The following CMIP variants were observed in gnomAD, a reference collection of about 807,000 sequenced individuals.
The protein encoded by CMIP is c-Maf inducing protein.
Under a neutral mutation model 97.3 loss-of-function variants are expected in CMIP, and 13 were observed. The ratio of observed to expected loss-of-function variants is 0.13; its 90% CI spans 0.09 to 0.21. The LOEUF is 0.21. Ranked by LOEUF, CMIP falls within the 10% of genes least tolerant of loss-of-function variation. The pLI is 1.00. For missense variants in CMIP, 847 were observed against 1,024.9 expected, an observed-to-expected ratio of 0.83 and a Z score of 2.37; for synonymous variants, 538 against 436.3, an observed-to-expected ratio of 1.23 and a Z score of -2.91.
chr16:81,629,134 TAAAAAA>T (rs10533097), intron 3 of CMIP, among the ~76,000 whole-genome samples: 12 of 45,694 alleles, frequency 2.6e-4, no homozygotes, highest in South Asian at 1.5e-3. Flanking sequence ...AAACTGTGCT[TAAAAAA>T]AAAAAAAAAA....
intron 1 of CMIP, among the ~76,000 whole-genome samples, chr16:81,500,967 C>T (rs766047061): frequency 6.6e-6 from 1 of 152,208 alleles, no homozygotes; most frequent in Non-Finnish European, 1.5e-5. Flanking sequence ...CATTGGATTG[C>T]GCAGGTGCCC....
At chr16:81,672,251 G>C (rs2092689707) in intron 9 of CMIP, among the ~76,000 whole-genome samples, 181 bp downstream of exon 9, 1 of 152,228 alleles carries the variant, frequency 6.6e-6, no homozygotes, top group Non-Finnish European at 1.5e-5. Context: ...CAGAAGCCAG[G>C]GATGCTGCTG....
chr16:81,503,846 A>T (rs2089656290), intron 1 of CMIP, among the ~76,000 whole-genome samples: 1 of 152,266 alleles, frequency 6.6e-6, no homozygotes, highest in African/African-American at 2.4e-5. Context: ...CAGGCCTGTC[A>T]GTGACAGACG....
intron 3 of CMIP, among the ~76,000 whole-genome samples, chr16:81,643,560 C>T (rs376825723): frequency 1.9e-4 from 29 of 152,094 alleles, no homozygotes; most frequent in Admixed American, 5.2e-4. Flanking sequence ...GAGGCCAAGG[C>T]GGGCAGATCA....
intron 1 of CMIP, among the ~76,000 whole-genome samples, chr16:81,477,974 C>G (rs755560830): frequency 1.3e-5 from 2 of 152,354 alleles, no homozygotes; most frequent in Non-Finnish European, 2.9e-5. Flanking sequence ...TGTGGCATCC[C>G]CGGCTGCAAG....
At position 81,607,602 on chromosome 16, in the gene CMIP, C is replaced by T. The variant is rs57603843; in HGVS notation, c.336C>T (p.Ser112=). The T allele has an allele frequency of 2.7e-4, 435 of 1,613,998 alleles. 1 individual carries two copies. Among genetic ancestry groups the T allele is most frequent in the African/African-American group, 1.4e-3 (102 of 75,058 alleles). ...ACATGGAAAACTCAGTCTCCTACAG[C>T]GCAATTGAAGACGTTCAGCTGCTGT... The part of the protein sequence containing the change: ...TGYMENSVSY[S]AIEDVQLLSW... The change falls in exon 2 of 21, where the codon AGC becomes AGT. Residue 112 remains serine (S), a synonymous_variant. Coordinates refer to ENST00000537098, the MANE Select transcript of CMIP (RefSeq NM_198390.3).
chr16:81,542,314 G>A lies in CMIP; in HGVS notation c.301-65253G>A, dbSNP rs551999738. Among the ~76,000 whole-genome samples the A allele has an allele frequency of 8.5e-5, 13 of 152,278 alleles. No homozygotes were observed. In the East Asian group the frequency reaches 1.7e-3, roughly 20 times the overall value. The stretch of plus-strand genomic sequence containing the variant: ...AATGGGGGCCAACTATTAAATGCTC[G>A]GACACCCCACCAGTGCTTAGATCTG... On this transcript the variant is annotated intron_variant, in intron 1 of 20. Transcript: ENST00000537098.
chr16:81,546,319 G>T (rs1459290275), intron 1 of CMIP, among the ~76,000 whole-genome samples: 1 of 152,166 alleles, frequency 6.6e-6, no homozygotes, highest in Non-Finnish European at 1.5e-5. Context: ...GTTCGCCGGC[G>T]GCAGAAGCTC....
intron 1 of CMIP, among the ~76,000 whole-genome samples, chr16:81,469,566 C>G (rs1454042496): frequency 1.3e-5 from 2 of 152,182 alleles, no homozygotes; most frequent in African/African-American, 4.8e-5. Context: ...GGGGACCTGA[C>G]TACACCCAAG....
intron 1 of CMIP, among the ~76,000 whole-genome samples, chr16:81,527,675 A>G (rs962242130): frequency 1.3e-5 from 2 of 152,194 alleles, no homozygotes; most frequent in Non-Finnish European, 2.9e-5. Context: ...AGAAGCTTCA[A>G]CTTTACAGAA....
At chr16:81,565,006 G>C (rs572793748) in intron 1 of CMIP, among the ~76,000 whole-genome samples, 13 of 152,140 alleles carry the variant, frequency 8.5e-5, no homozygotes, top group Middle Eastern at 3.4e-3. Flanking sequence ...GGGGTCTCCA[G>C]AGGGGGTTTC....
chr16:81,446,758 TGGC>T (rs1232952057), intron 1 of CMIP, among the ~76,000 whole-genome samples: 1 of 152,118 alleles, frequency 6.6e-6, no homozygotes, highest in Non-Finnish European at 1.5e-5. Flanking sequence ...CATGTTCCCT[TGGC>T]GGTGTGTCAC....
chr16:81,576,760 T>C (rs920099111), intron 1 of CMIP, among the ~76,000 whole-genome samples: 14 of 152,114 alleles, frequency 9.2e-5, no homozygotes, highest in African/African-American at 2.9e-4. Flanking sequence ...CAGGTGTGAG[T>C]CCCACTCCCA....
chr16:81,661,338 C>T (rs1209947147), intron 6 of CMIP, among the ~76,000 whole-genome samples: 1 of 152,240 alleles, frequency 6.6e-6, no homozygotes, highest in Admixed American at 6.5e-5. Flanking sequence ...CAGCACGGTG[C>T]TCCAGGTTAG....
chr16:81,594,659 G>C (rs774123908), intron 1 of CMIP, among the ~76,000 whole-genome samples: 68 of 152,018 alleles, frequency 4.5e-4, no homozygotes, highest in Non-Finnish European at 7.8e-4. Flanking sequence ...TGTTCCCCAG[G>C]CTGGAGTGCA....
rs570523545 is a variant in CMIP at position 81,711,355 on chromosome 16, C to A, written c.*1556C>A. 307 of 152,290 alleles carry A rather than the reference C, an allele frequency of 2.0e-3. 2 individuals carry two copies. Among genetic ancestry groups the A allele is most frequent in the African/African-American group, 6.9e-3 (286 of 41,440 alleles). 9.4% of individuals were successfully genotyped at this position (152,290 alleles called of 1,614,324 possible). On this transcript the variant is annotated 3_prime_UTR_variant, in exon 21 of 21. Coordinates refer to ENST00000537098, the MANE Select transcript of CMIP (RefSeq NM_198390.3). ...TGCTAGGTAGACTTTATTACCCCCC[C>A]ACTATGCCCTCATTTTTTTAAAAAA...
At chr16:81,477,801 C>T (rs1181163181) in intron 1 of CMIP, among the ~76,000 whole-genome samples, 1 of 152,234 alleles carries the variant, frequency 6.6e-6, no homozygotes, top group Non-Finnish European at 1.5e-5. Context: ...CCAAGAGAGG[C>T]TCAAGTTCCT....
intron 1 of CMIP, among the ~76,000 whole-genome samples, chr16:81,567,451 T>C (rs976010880): frequency 6.6e-6 from 1 of 152,228 alleles, no homozygotes; most frequent in African/African-American, 2.4e-5. Context: ...TATTTGGGCC[T>C]CAGGAAAACA....
At chr16:81,626,717 G>A (rs2092072160) in intron 3 of CMIP, among the ~76,000 whole-genome samples, 1 of 147,306 alleles carries the variant, frequency 6.8e-6, no homozygotes, top group African/African-American at 2.5e-5. Flanking sequence ...AGGGTGTGTG[G>A]TGTGGGGAGA....
Sources: allele counts gnomAD v4.1 joint callset (sites outside exome capture counted in the v4.1 genomes callset), GRCh38; gene constraint gnomAD v4.1.1; transcripts MANE v1.5; gene names NCBI Gene and HGNC (gene_info 2026-07-23, HGNC 2026-07-21).